TRIM44: variants seen among roughly 807,000 people sequenced by gnomAD.
TRIM44 encodes the protein tripartite motif-containing protein 44.
Under a neutral mutation model 37.4 loss-of-function variants are expected in TRIM44, and 13 were observed. That is an observed-to-expected ratio of 0.35 (90% CI 0.23 to 0.55). The LOEUF is 0.55. Ranked by LOEUF, TRIM44 falls within the 20% of genes least tolerant of loss-of-function variation. The pLI, the probability that TRIM44 is intolerant of heterozygous loss-of-function variation, is 0.89. For synonymous variants in TRIM44, 175 were observed against 157.2 expected (o/e 1.11, Z -0.85); for missense variants, 426 against 437.2 (o/e 0.97, Z 0.23).
At chr11:35,750,750 C>G (rs1348453180) in intron 4 of TRIM44, among the ~76,000 whole-genome samples, 1 of 152,024 alleles carries the variant, frequency 6.6e-6, no homozygotes, top group Non-Finnish European at 1.5e-5. Context: ...GAGTCATTAT[C>G]TTAGTTGAAA....
intron 4 of TRIM44, among the ~76,000 whole-genome samples, chr11:35,775,735 T>C (rs1852947710): frequency 6.6e-6 from 1 of 152,184 alleles, no homozygotes; most frequent in Non-Finnish European, 1.5e-5. Context: ...AATCATTTGG[T>C]TTTTGTCTTT....
intron 4 of TRIM44, among the ~76,000 whole-genome samples, chr11:35,766,974 G>T (rs1206316052): frequency 6.6e-6 from 1 of 152,194 alleles, no homozygotes; most frequent in Non-Finnish European, 1.5e-5. Flanking sequence ...TTAGCATGAA[G>T]TACTAAGGAA....
At chr11:35,799,769 C>T (rs1853341431) in intron 4 of TRIM44, among the ~76,000 whole-genome samples, 1 of 152,108 alleles carries the variant, frequency 6.6e-6, no homozygotes, top group South Asian at 2.1e-4. Flanking sequence ...GATGTCTTAG[C>T]ACAGTTTGTG....
At chr11:35,716,601 CTTAG>C (rs1399702308) in intron 2 of TRIM44, among the ~76,000 whole-genome samples, 2 of 152,050 alleles carry the variant, frequency 1.3e-5, no homozygotes. Flanking sequence ...TTGCAGGGCC[CTTAG>C]TTAAAGTGTC....
chr11:35,815,234 T>G lies in TRIM44; in HGVS notation c.*8849T>G, dbSNP rs2133890945. 1 of 152,294 alleles carries G rather than the reference T, an allele frequency of 6.6e-6. No individual in the cohort carries two copies. The highest frequency in any genetic ancestry group is 2.4e-5 in the African/African-American group (1 of 41,560). The allele number at this position is 152,294 out of a possible 1,614,324, so 9.4% of individuals were successfully genotyped here. On this transcript the variant is annotated 3_prime_UTR_variant, in exon 5 of 5. Coordinates refer to ENST00000299413, the MANE Select transcript of TRIM44 (RefSeq NM_017583.6). Reference sequence around the variant, plus strand: ...GGGTGGCCATTTGTTGCCTCACTGTTTTTATTAGGACATCTGGAGATTAGA... The same window carrying G: ...GGGTGGCCATTTGTTGCCTCACTGTGTTTATTAGGACATCTGGAGATTAGA...
chr11:35,753,117 C>T (rs1013505709), intron 4 of TRIM44, among the ~76,000 whole-genome samples: 12 of 152,062 alleles, frequency 7.9e-5, no homozygotes, highest in Admixed American at 4.6e-4. Flanking sequence ...CTCAGTCTGT[C>T]ACTTTGTGTA....
At chr11:35,754,122 A>T (rs1440502047) in intron 4 of TRIM44, among the ~76,000 whole-genome samples, 1 of 152,014 alleles carries the variant, frequency 6.6e-6, no homozygotes, top group African/African-American at 2.4e-5. Flanking sequence ...TTTACATGTG[A>T]GTATTAGTGT....
chr11:35,759,195 GTT>G (rs1200175654), intron 4 of TRIM44, among the ~76,000 whole-genome samples: 1 of 152,096 alleles, frequency 6.6e-6, no homozygotes, highest in Non-Finnish European at 1.5e-5. Context: ...GGCTTTGTTG[GTT>G]TCTTTTTATT....
chr11:35,676,883 G>C (rs1318009072), intron 1 of TRIM44, among the ~76,000 whole-genome samples: 8 of 152,118 alleles, frequency 5.3e-5, no homozygotes, highest in Admixed American at 5.2e-4. Context: ...GTCTGTTGTT[G>C]AATTTTGAGA....
chr11:35,752,863 T>C (rs1375324944), intron 4 of TRIM44, among the ~76,000 whole-genome samples: 2 of 152,212 alleles, frequency 1.3e-5, no homozygotes, highest in Non-Finnish European at 2.9e-5. Flanking sequence ...CTTGACTGTG[T>C]TTTGGTTTTC....
At chr11:35,718,088 C>T (rs369845441) in intron 2 of TRIM44, among the ~76,000 whole-genome samples, 1 of 152,034 alleles carries the variant, frequency 6.6e-6, no homozygotes, top group East Asian at 1.9e-4. Context: ...TGCTCCTTAG[C>T]TGTTTTGGAT....
chr11:35,752,919 A>G (rs1026241915), intron 4 of TRIM44, among the ~76,000 whole-genome samples: 7 of 152,150 alleles, frequency 4.6e-5, no homozygotes, highest in African/African-American at 1.7e-4. Flanking sequence ...TATTTAACTT[A>G]TTTTCTTTCT....
At chr11:35,699,812 GACAA>G (rs1283143053) in intron 2 of TRIM44, among the ~76,000 whole-genome samples, 5 of 151,842 alleles carry the variant, frequency 3.3e-5, no homozygotes, top group African/African-American at 1.2e-4. Flanking sequence ...ACCAATAACA[GACAA>G]ACAGCCAAAT....
At chr11:35,735,710 A>C (rs1365441486) in intron 4 of TRIM44, among the ~76,000 whole-genome samples, 1 of 152,162 alleles carries the variant, frequency 6.6e-6, no homozygotes, top group African/African-American at 2.4e-5. Flanking sequence ...TAGGCACTAC[A>C]TTTAAATGGT....
intron 4 of TRIM44, among the ~76,000 whole-genome samples, chr11:35,803,690 C>T (rs1379232179): frequency 6.6e-6 from 1 of 152,170 alleles, no homozygotes; most frequent in Non-Finnish European, 1.5e-5. Context: ...TGATGCACTC[C>T]AGCCTGGGTG....
intron 2 of TRIM44, among the ~76,000 whole-genome samples, chr11:35,709,296 A>G (rs1290011940): frequency 6.6e-6 from 1 of 152,138 alleles, no homozygotes; most frequent in East Asian, 1.9e-4. Flanking sequence ...GCCAGAAGGA[A>G]CTCAGGTTTT....
chr11:35,764,725 G>T (rs766381684), intron 4 of TRIM44, among the ~76,000 whole-genome samples: 1 of 152,146 alleles, frequency 6.6e-6, no homozygotes, highest in African/African-American at 2.4e-5. Context: ...ATCGTAGGAA[G>T]TAGTTTACAA....
At chr11:35,759,226 T>C (rs1342892129) in intron 4 of TRIM44, among the ~76,000 whole-genome samples, 4 of 152,202 alleles carry the variant, frequency 2.6e-5, no homozygotes, top group African/African-American at 9.6e-5. Context: ...TCTAAACTTC[T>C]CTTCTCGCTT....
At chr11:35,788,993 G>A (rs927637026) in intron 4 of TRIM44, among the ~76,000 whole-genome samples, 1 of 152,082 alleles carries the variant, frequency 6.6e-6, no homozygotes, top group African/African-American at 2.4e-5. Context: ...CCTAAAAATA[G>A]TTTTTTTATA....
Sources: gnomAD v4.1 joint callset for allele counts (sites outside exome capture counted in the v4.1 genomes callset) on GRCh38, gnomAD v4.1.1 for gene constraint, MANE v1.5 for transcripts, NCBI Gene and HGNC (gene_info 2026-07-23, HGNC 2026-07-21) for gene names.